CD72: variants seen among roughly 807,000 people sequenced by gnomAD.
The protein encoded by CD72 is B-cell differentiation antigen CD72.
In CD72, 28 loss-of-function variants were observed where a neutral mutation model predicts 50.7. That is an observed-to-expected ratio of 0.55 (90% CI 0.41 to 0.76). The LOEUF is 0.76. Ranked by LOEUF, CD72 falls within the 30% of genes least tolerant of loss-of-function variation. The probability of loss-of-function intolerance (pLI) is 0.00; values close to 1 mark genes in which losing one functional copy is unlikely to be tolerated. For missense variants in CD72, 403 were observed against 420.6 expected, an observed-to-expected ratio of 0.96 and a Z score of 0.37; for synonymous variants, 176 against 171.2, an observed-to-expected ratio of 1.03 and a Z score of -0.22.
At chr9:35,615,561 C>T (rs577612164) in intron 5 of CD72, among the ~76,000 whole-genome samples, 45 of 152,046 alleles carry the variant, frequency 3.0e-4, no homozygotes, top group Non-Finnish European at 4.7e-4. Flanking sequence ...TCAGCTATAA[C>T]GAAAATTAAT....
At chr9:35,621,521 A>G (rs1823146830), upstream of CD72, among the ~76,000 whole-genome samples, 1 of 152,226 alleles carries the variant, frequency 6.6e-6, no homozygotes, top group Non-Finnish European at 1.5e-5. Context: ...TGGTAGCCAG[A>G]ATAATGGCCT....
At chr9:35,627,236 T>G (rs1823203806) in intron 1 of CD72, among the ~76,000 whole-genome samples, 1 of 151,726 alleles carries the variant, frequency 6.6e-6, no homozygotes, top group Non-Finnish European at 1.5e-5. Context: ...GCGATTCTCC[T>G]GTCTCACCCT....
chr9:35,629,082 G>C (rs1823220665), intron 1 of CD72, among the ~76,000 whole-genome samples: 1 of 151,724 alleles, frequency 6.6e-6, no homozygotes, highest in African/African-American at 2.4e-5. Context: ...CTCTCTAGTT[G>C]CCCAGGTTGG....
chr9:35,626,476 A>T (rs1823198034), intron 1 of CD72, among the ~76,000 whole-genome samples: 1 of 152,236 alleles, frequency 6.6e-6, no homozygotes, highest in African/African-American at 2.4e-5. Context: ...TATTCTATAA[A>T]CTTAGTTGAT....
rs139865679 is a variant in CD72, at chr9:35,643,838, C to T, written n.408+2565G>A. Among the ~76,000 whole-genome samples, 268 of 151,900 alleles carry T rather than the reference C, an allele frequency of 1.8e-3. 1 individual carries two copies. The highest frequency in any genetic ancestry group is 6.2e-3 in the African/African-American group (258 of 41,398). On this transcript the variant is annotated intron_variant and non_coding_transcript_variant, in intron 1 of 3. Transcript: ENST00000465754. ...ACTAAAAATACAAAAATTAGCCGGG[C>T]GTATTGGCACGCCCCAATAATCCCA...
At chr9:35,629,452 T>C in intron 1 of CD72, among the ~76,000 whole-genome samples, 1 of 152,340 alleles carries the variant, frequency 6.6e-6, no homozygotes, top group South Asian at 2.1e-4. Context: ...TGTATGTTTA[T>C]ATATACATAC....
At chr9:35,630,040 T>TC (rs970422022) in intron 1 of CD72, among the ~76,000 whole-genome samples, 5 of 149,330 alleles carry the variant, frequency 3.3e-5, no homozygotes, top group African/African-American at 7.4e-5. Context: ...TCTTTTCTTT[T>TC]TTTTTTTTTT....
chr9:35,610,590 C>T lies in CD72; in HGVS notation c.*22+12G>A. ...GGACTCCCCATGCCTCAGCCCCATC[C>T]CTCACTCTTACCAACTCAGTGCAAA... On this transcript the variant is annotated intron_variant, in intron 8 of 8. Coordinates refer to ENST00000259633, the MANE Select transcript of CD72 (RefSeq NM_001782.3). 6.2e-7 allele frequency: 1 copy of T among 1,606,246 alleles called. No homozygotes were observed. Among genetic ancestry groups the T allele is most frequent in the East Asian group, 2.2e-5 (1 of 44,656 alleles).
At chr9:35,617,010 C>G (rs1823074637) in intron 3 of CD72, 166 bp downstream of exon 3, 1 of 1,452,582 alleles carries the variant, frequency 6.9e-7, no homozygotes, top group Non-Finnish European at 9.0e-7. Context: ...ACGTCGGATT[C>G]AGGCGCACCG....
rs78677958 is a variant in CD72 at position 35,629,813 on chromosome 9, C to T, written n.409-11692G>A. Among the ~76,000 whole-genome samples the T allele has an allele frequency of 2.1e-3, 314 of 152,338 alleles. 1 individual carries two copies. The highest frequency in any genetic ancestry group is 2.2e-3 in the Non-Finnish European group (153 of 68,030). On this transcript the variant is annotated intron_variant and non_coding_transcript_variant, in intron 1 of 3. Transcript: ENST00000465754. ...TGGGTATGCAAGCCCTGCTAGTGCA[C>T]AGTCCCAGCACATGGTAGCACTCAG...
At chr9:35,640,011 C>T (rs1823324683) in intron 1 of CD72, among the ~76,000 whole-genome samples, 1 of 152,176 alleles carries the variant, frequency 6.6e-6, no homozygotes, top group African/African-American at 2.4e-5. Flanking sequence ...TGAAGCAAAG[C>T]TGATCTCATT....
At position 35,631,212 on chromosome 9, in the gene CD72, G is replaced by C. The variant is rs1587907517; in HGVS notation, n.409-13091C>G. ...CCAAATTATATTGCTTTTTACTATGGCTTTTTATTTTTACTAGTCTTTTGG... is the reference window on the plus strand; with the variant it reads ...CCAAATTATATTGCTTTTTACTATGCCTTTTTATTTTTACTAGTCTTTTGG... On this transcript the variant is annotated intron_variant and non_coding_transcript_variant, in intron 1 of 3. Coordinates refer to the CD72 transcript ENST00000465754. Among the ~76,000 whole-genome samples, 3 of 151,980 alleles carry C rather than the reference G, an allele frequency of 2.0e-5. 1 individual carries two copies. In the Middle Eastern group the frequency reaches 0.01, roughly 517 times the overall value.
chr9:35,641,200 C>T (rs548523387), intron 1 of CD72, among the ~76,000 whole-genome samples: 4 of 152,114 alleles, frequency 2.6e-5, no homozygotes, highest in Admixed American at 2.6e-4. Context: ...GGGGTGCCTT[C>T]GATGTCATTA....
chr9:35,612,877 C>T lies in CD72; in HGVS notation c.805G>A (p.Ala269Thr). 1 of 1,614,138 alleles carries T rather than the reference C, an allele frequency of 6.2e-7. No individual in the cohort carries two copies. Residue 269 changes from alanine to threonine, a missense_variant, in exon 6 of 9, where the codon GCC becomes ACC. Transcript: ENST00000259633. The stretch of plus-strand genomic sequence containing the variant: ...TGTGGATAAATTTCACTGAATGTGG[C>T]CAGCTTGGAAGACAGAGTTTCACAT... ...KQCETLSSKL[A>T]TFSEIYPQSH...
intron 1 of CD72, among the ~76,000 whole-genome samples, chr9:35,640,347 T>C (rs10814263): frequency 0.67 from 101,738 of 152,082 alleles, 36,116 homozygotes; most frequent in Non-Finnish European, 0.79. Flanking sequence ...AAGATGGTGG[T>C]GAGCCGCTTC....
At chr9:35,622,669 C>T (rs1424186940), upstream of CD72, among the ~76,000 whole-genome samples, 1 of 152,044 alleles carries the variant, frequency 6.6e-6, no homozygotes, top group African/African-American at 2.4e-5. Context: ...CACCTGTAGT[C>T]CCAGCTACCC....
Position 35,616,634 on chromosome 9 carries a change from C to G in CD72, c.318G>C (p.Leu106=). The part of the protein sequence containing the change: ...LLLGLLLTCL[L]LGVTAICLGV... ...CCAGGCAGATGGCGGTCACTCCTAA[C>G]AGCAGGCAGGTGAGGAGCAGGCCGA... The change falls in exon 4 of 9, where the codon CTG becomes CTC. Residue 106 remains leucine, a synonymous_variant. Coordinates refer to ENST00000259633, the MANE Select transcript of CD72 (RefSeq NM_001782.3). 2.5e-6 allele frequency: 4 copies of G among 1,614,098 alleles called. No individual in the cohort carries two copies. In the South Asian group the frequency reaches 4.4e-5, roughly 18 times the overall value.
intron 1 of CD72, among the ~76,000 whole-genome samples, chr9:35,632,412 C>T (rs1321437483): frequency 6.6e-6 from 1 of 151,912 alleles, no homozygotes; most frequent in African/African-American, 2.4e-5. Context: ...CCTCGTGATG[C>T]GCCCGCCTCG....
At chr9:35,643,450 G>A (rs1442187582) in intron 1 of CD72, 1 of 152,152 alleles carries the variant, frequency 6.6e-6, no homozygotes, top group Non-Finnish European at 1.5e-5. Context: ...CCACTGCTCT[G>A]GGATTCCCAT....
Sources: gnomAD v4.1 joint callset for allele counts (sites outside exome capture counted in the v4.1 genomes callset) on GRCh38, gnomAD v4.1.1 for gene constraint, MANE v1.5 for transcripts, NCBI Gene and HGNC (gene_info 2026-07-23, HGNC 2026-07-21) for gene names.